Variants in FLNB observed in about 807,000 individuals in gnomAD.
FLNB encodes the protein filamin B, also known as filamin-B.
A neutral mutation model predicts 250.6 loss-of-function variants in FLNB; 111 were observed. The ratio of observed to expected loss-of-function variants is 0.44; its 90% CI spans 0.38 to 0.52. The LOEUF (loss-of-function observed/expected upper bound fraction) is 0.52. Ranked by LOEUF, FLNB falls within the 20% of genes least tolerant of loss-of-function variation. FLNB has a pLI of 0.00. For missense variants in FLNB, 2,869 were observed against 3,447.8 expected (o/e 0.83, Z 4.20); for synonymous variants, 1,302 against 1,372.1 (o/e 0.95, Z 1.13).
chr3:58,104,807 T>TAAAG (rs1222068492), intron 10 of FLNB, among the ~76,000 whole-genome samples: 1 of 152,072 alleles, frequency 6.6e-6, no homozygotes, highest in Non-Finnish European at 1.5e-5. Flanking sequence ...CACACAAAGG[T>TAAAG]AAAGGGCCAG....
chr3:58,058,326 C>T (rs2106870841), intron 1 of FLNB, among the ~76,000 whole-genome samples: 2 of 152,212 alleles, frequency 1.3e-5, no homozygotes, highest in Middle Eastern at 3.4e-3. Flanking sequence ...ATTTGATGTT[C>T]CAGTTGCCCA....
At chr3:58,086,506 A>G (rs1287209284) in intron 4 of FLNB, among the ~76,000 whole-genome samples, 1 of 151,990 alleles carries the variant, frequency 6.6e-6, no homozygotes, top group Non-Finnish European at 1.5e-5. Context: ...TTTGCTTTGC[A>G]TTTCTTACTG....
intron 42 of FLNB, among the ~76,000 whole-genome samples, chr3:58,161,200 A>G (rs1299637242): frequency 1.3e-5 from 2 of 152,172 alleles, no homozygotes; most frequent in African/African-American, 2.4e-5. Context: ...ACTTGAGGCC[A>G]GAGATCTATG....
chr3:58,055,466 A>G (rs1186060154), intron 1 of FLNB, among the ~76,000 whole-genome samples: 4 of 152,162 alleles, frequency 2.6e-5, no homozygotes, highest in Non-Finnish European at 5.9e-5. Flanking sequence ...AGTCTGCGTG[A>G]GAGATGACTG....
chr3:58,008,898 A>C, intron 1 of FLNB, 42 bp downstream of exon 1: 4 of 1,609,400 alleles, frequency 2.5e-6, no homozygotes, highest in Non-Finnish European at 3.4e-6. Context: ...TGTGGTGCCG[A>C]CCCGCCCCCG....
chr3:58,081,049 C>A (rs1223352543), intron 3 of FLNB, among the ~76,000 whole-genome samples: 1 of 152,092 alleles, frequency 6.6e-6, no homozygotes, highest in Non-Finnish European at 1.5e-5. Flanking sequence ...CTTGTCTTGG[C>A]CTCCTAAAGT....
At chr3:58,152,747 G>A in intron 38 of FLNB, 1 of 1,339,648 alleles carries the variant, frequency 7.5e-7, no homozygotes, top group Non-Finnish European at 9.9e-7. Flanking sequence ...ATCCTGTGGG[G>A]CTGGAGGGTG....
Position 58,125,659 on chromosome 3 carries a change from G to A in FLNB, c.3977G>A (p.Cys1326Tyr), listed in dbSNP as rs1375403160. ...TTCAAGGTGGCTGTCACTGAAGGCTGCCAGCCATCTAGGGTGCAAGCCCAA... is the reference window on the plus strand; with the variant it reads ...TTCAAGGTGGCTGTCACTGAAGGCTACCAGCCATCTAGGGTGCAAGCCCAA... ...SPFKVAVTEG[C>Y]QPSRVQAQGP... Residue 1326 changes from cysteine to tyrosine, a missense_variant, in exon 23 of 46, where the codon TGC (cysteine) becomes TAC (tyrosine). Transcript: ENST00000295956. 6.2e-7 allele frequency: 1 copy of A among 1,614,192 alleles called. No homozygotes were observed. The highest frequency in any genetic ancestry group is 1.1e-5 in the South Asian group (1 of 91,088).
intron 18 of FLNB, among the ~76,000 whole-genome samples, chr3:58,114,073 A>G (rs1652420296): frequency 6.6e-6 from 1 of 152,026 alleles, no homozygotes; most frequent in South Asian, 2.1e-4. Context: ...TCGAGGCTGC[A>G]TTCCACTGTA....
At chr3:58,084,736 C>G (rs140346210) in intron 4 of FLNB, among the ~76,000 whole-genome samples, 110 of 152,288 alleles carry the variant, frequency 7.2e-4, no homozygotes, top group African/African-American at 2.5e-3. Context: ...AACTGAAACT[C>G]CATACTCATT....
chr3:58,033,047 T>C (rs896241096), intron 1 of FLNB, among the ~76,000 whole-genome samples: 25 of 152,346 alleles, frequency 1.6e-4, no homozygotes, highest in African/African-American at 6.0e-4. Flanking sequence ...CACTCCAGCC[T>C]GGGCAAAAGA....
In FLNB at chr3:58,118,958, G is replaced by A; in HGVS notation, c.2832G>A (p.Leu944=). 1 of 1,614,064 alleles carries A rather than the reference G, an allele frequency of 6.2e-7. No homozygotes were observed. Among genetic ancestry groups the A allele is most frequent in the Non-Finnish European group, 8.5e-7 (1 of 1,179,944 alleles). The change falls in exon 19 of 46, where the codon CTG becomes CTA. Residue 944 remains leucine, a synonymous_variant. Transcript: ENST00000295956. ...FTVGVAAPLD[L]SKIKLNGLEN... ...TGGGTGTTGCTGCACCGCTGGATCT[G>A]AGCAAGATAAAACTCAATGGGCTGG...
chr3:58,105,440 G>A (rs185528521), intron 11 of FLNB, among the ~76,000 whole-genome samples: 3 of 152,330 alleles, frequency 2.0e-5, no homozygotes, highest in Admixed American at 2.0e-4. Flanking sequence ...CCTTATGTGG[G>A]TATTGTGCCT....
chr3:58,154,928 G>C lies in FLNB; in HGVS notation c.6772G>C (p.Gly2258Arg), dbSNP rs754771726. Residue 2258 changes from glycine to arginine, a missense_variant and splice_region_variant, in exon 40 of 46, where the codon GGT becomes CGT. This residue lies in a region of FLNB where 1,084 missense variants were observed against 1,315.5 expected (regional missense o/e 0.82). Coordinates refer to ENST00000295956, the MANE Select transcript of FLNB (RefSeq NM_001457.4). The stretch of plus-strand genomic sequence containing the variant: ...TGTATCTTATATTGCCCAAGAGCCT[G>C]GTATGTATTCAGGGTTCACAAGAGG... The part of the protein sequence containing the change: ...CGVSYIAQEP[G>R]NYEVSIKFND... 2 of 1,613,690 alleles carry C rather than the reference G, an allele frequency of 1.2e-6. No homozygotes were observed. The highest frequency in any genetic ancestry group is 2.2e-5 in the South Asian group (2 of 91,066).
At chr3:58,035,845 G>C (rs1476132072) in intron 1 of FLNB, among the ~76,000 whole-genome samples, 1 of 152,174 alleles carries the variant, frequency 6.6e-6, no homozygotes, top group East Asian at 1.9e-4. Context: ...TGTGAAGTTT[G>C]GCTCAGTACA....
intron 41 of FLNB, among the ~76,000 whole-genome samples, chr3:58,156,639 G>C (rs2097353755): frequency 1.3e-5 from 2 of 152,152 alleles, no homozygotes; most frequent in South Asian, 4.1e-4. Flanking sequence ...TGTCCACTGG[G>C]AACCAGCTAG....
At chr3:58,133,243 C>G (rs992478583) in intron 26 of FLNB, among the ~76,000 whole-genome samples, 1 of 152,156 alleles carries the variant, frequency 6.6e-6, no homozygotes, top group East Asian at 1.9e-4. Context: ...GGCTCCCGCT[C>G]TCTCACTCCC....
intron 1 of FLNB, among the ~76,000 whole-genome samples, chr3:58,070,049 CTTTT>C (rs10639474): frequency 1.5e-5 from 2 of 134,990 alleles, no homozygotes; most frequent in Admixed American, 7.5e-5. Flanking sequence ...CTCTTTCTTT[CTTTT>C]TTTTTTTTTT....
In FLNB at chr3:58,150,310, C is replaced by G. The variant is rs933019639; in HGVS notation, c.6367+83C>G. 3.3e-6 allele frequency: 5 copies of G among 1,518,246 alleles called. No homozygotes were observed. In the African/African-American group the frequency reaches 6.8e-5, roughly 21 times the overall value. The allele number at this position is 1,518,246 out of a possible 1,614,324, so 94.0% of individuals were successfully genotyped here. ...GGTGCCTTTGGGAACCAAGTTTAGG[C>G]ATGGCCCAGAACACAGTATCCAAGT... On this transcript the variant is annotated intron_variant, in intron 38 of 45. Transcript: ENST00000295956.
Sources: gnomAD v4.1 joint callset for allele counts (sites outside exome capture counted in the v4.1 genomes callset) on GRCh38, gnomAD v4.1.1 for gene constraint, gnomAD v4.1.1 regional missense constraint, MANE v1.5 for transcripts, NCBI Gene and HGNC (gene_info 2026-07-23, HGNC 2026-07-21) for gene names.